Variants in SND1 observed in about 807,000 individuals in gnomAD.
SND1 encodes staphylococcal nuclease domain-containing protein 1.
SND1 carries 38 observed loss-of-function variants against 121.7 expected under a neutral mutation model. The observed-to-expected ratio is 0.31, with a 90% CI of 0.24 to 0.41. The LOEUF (loss-of-function observed/expected upper bound fraction) is 0.41. Among genes scored for constraint, SND1 ranks in the 10% least tolerant of loss-of-function variants. The pLI, the probability that SND1 is intolerant of heterozygous loss-of-function variation, is 1.00. For synonymous variants in SND1, 401 were observed against 447.4 expected, an observed-to-expected ratio of 0.90 and a Z score of 1.31; for missense variants, 868 against 1,184.6, an observed-to-expected ratio of 0.73 and a Z score of 3.92.
At chr7:127,792,766 G>A (rs1797934878) in intron 10 of SND1, among the ~76,000 whole-genome samples, 1 of 152,154 alleles carries the variant, frequency 6.6e-6, no homozygotes, top group South Asian at 2.1e-4. Context: ...AATCTGAGGA[G>A]GTGTGATAAC....
chr7:127,698,311 C>T (rs1174753368), intron 3 of SND1, among the ~76,000 whole-genome samples: 3 of 152,116 alleles, frequency 2.0e-5, no homozygotes, highest in Non-Finnish European at 2.9e-5. Context: ...TAAATGAATC[C>T]GTCTCTCTGA....
At chr7:128,054,483 C>T (rs1417923943) in intron 16 of SND1, among the ~76,000 whole-genome samples, 1 of 152,224 alleles carries the variant, frequency 6.6e-6, no homozygotes, top group African/African-American at 2.4e-5. Context: ...ACCAAGGTCC[C>T]CACCTCACAC....
chr7:127,663,700 C>T lies in SND1; in HGVS notation c.78+11249C>T, dbSNP rs1056741911. 5.9e-5 allele frequency among the ~76,000 whole-genome samples: 9 copies of T among 152,032 alleles called. No individual in the cohort carries two copies. In the South Asian group the frequency reaches 1.5e-3, roughly 25 times the overall value. ...CTTACTGTACTTCTTAATTGGTTGC[C>T]GGCCCCGCCAACCCCAGGTGTCTTA... On this transcript the variant is annotated intron_variant, in intron 1 of 23. Coordinates refer to ENST00000354725, the MANE Select transcript of SND1 (RefSeq NM_014390.4).
At chr7:127,937,739 C>T (rs758481096) in intron 15 of SND1, among the ~76,000 whole-genome samples, 3 of 152,220 alleles carry the variant, frequency 2.0e-5, no homozygotes, top group African/African-American at 7.2e-5. Flanking sequence ...AGACCAAAAA[C>T]TTCTAATGAG....
chr7:127,756,996 A>G (rs1339151143), intron 10 of SND1, among the ~76,000 whole-genome samples: 1 of 152,230 alleles, frequency 6.6e-6, no homozygotes, highest in Non-Finnish European at 1.5e-5. Flanking sequence ...AAATATATGT[A>G]CAATTAAATA....
chr7:128,029,515 T>G lies in SND1; in HGVS notation c.1779+38459T>G. On this transcript the variant is annotated intron_variant, in intron 16 of 23. Transcript: ENST00000354725. This position sits in a 1 kb window ranked among gnomAD's most constrained non-coding sequence, Gnocchi z 4.2. ...CACTTCACGGAGGACATAGGGGGAG[T>G]CCGACACTTAAGTTCTGCCATCCGA... 1 of 1,613,248 alleles carries G rather than the reference T, an allele frequency of 6.2e-7. No individual in the cohort carries two copies. Among genetic ancestry groups the G allele is most frequent in the Non-Finnish European group, 8.5e-7 (1 of 1,179,876 alleles).
chr7:127,948,678 A>T (rs561609862), intron 15 of SND1, among the ~76,000 whole-genome samples: 15 of 152,234 alleles, frequency 9.9e-5, no homozygotes, highest in Non-Finnish European at 1.8e-4. Context: ...TGGTGATAGC[A>T]CCAGAGAGAA....
chr7:128,059,850 C>T (rs554048611), intron 16 of SND1, among the ~76,000 whole-genome samples: 11 of 152,356 alleles, frequency 7.2e-5, no homozygotes, highest in African/African-American at 2.2e-4. Context: ...GAATCCAGCA[C>T]GTTCTCTTTA....
At chr7:127,786,659 T>A (rs1197857862) in intron 10 of SND1, among the ~76,000 whole-genome samples, 1 of 152,046 alleles carries the variant, frequency 6.6e-6, no homozygotes, top group Non-Finnish European at 1.5e-5. Flanking sequence ...TTGTTTGTTT[T>A]TTGAGACGGA....
chr7:127,878,722 A>C (rs1799735372), intron 12 of SND1, among the ~76,000 whole-genome samples: 1 of 152,100 alleles, frequency 6.6e-6, no homozygotes, highest in Non-Finnish European at 1.5e-5. Context: ...ATTGTTAATC[A>C]GTGTAAATGG....
At chr7:127,903,818 T>C (rs1361727162) in intron 13 of SND1, among the ~76,000 whole-genome samples, 1 of 152,196 alleles carries the variant, frequency 6.6e-6, no homozygotes, top group Non-Finnish European at 1.5e-5. Context: ...GGCCCTGGGC[T>C]GGGCAGCTTT....
chr7:127,852,479 G>A (rs1382410108), intron 12 of SND1, among the ~76,000 whole-genome samples: 3 of 140,978 alleles, frequency 2.1e-5, no homozygotes, highest in African/African-American at 8.0e-5. Flanking sequence ...GTGACAAAGT[G>A]AGACTCCCTC....
intron 16 of SND1, among the ~76,000 whole-genome samples, chr7:128,032,622 G>A (rs3735634): frequency 0.32 from 48,142 of 151,706 alleles, 8,132 homozygotes; most frequent in African/African-American, 0.41. Context: ...GCTGCATTTG[G>A]CCTGCCTCTC....
intron 15 of SND1, among the ~76,000 whole-genome samples, chr7:127,978,073 C>G (rs933481000): frequency 6.6e-6 from 1 of 152,102 alleles, no homozygotes; most frequent in Admixed American, 6.5e-5. Context: ...GATTACATGT[C>G]TGAGTTCTGC....
At chr7:127,684,356 G>A (rs1178823460) in intron 1 of SND1, among the ~76,000 whole-genome samples, 2 of 152,200 alleles carry the variant, frequency 1.3e-5, no homozygotes, top group Non-Finnish European at 2.9e-5. Flanking sequence ...AGAAACAGAT[G>A]TTCTGGTTTG....
rs369133020 is a variant in SND1, at chr7:127,721,349, G to A, written c.1101G>A (p.Thr367=). The change falls in exon 10 of 24, where the codon ACG becomes ACA. Residue 367 remains threonine, a synonymous_variant. Coordinates refer to ENST00000354725, the MANE Select transcript of SND1 (RefSeq NM_014390.4). ...VVKLNSGDYK[T]IHLSSIRPPR... ...AGCTGAACTCAGGCGATTACAAGAC[G>A]ATTCACCTGTCCAGCATCCGACCAC... The A allele has an allele frequency of 2.5e-6, 4 of 1,613,446 alleles. No homozygotes were observed. The highest frequency in any genetic ancestry group is 1.7e-5 in the Admixed American group (1 of 59,986).
chr7:127,820,998 T>G (rs1233335564), intron 11 of SND1, among the ~76,000 whole-genome samples: 1 of 152,224 alleles, frequency 6.6e-6, no homozygotes. Flanking sequence ...CCAGGTCTGC[T>G]TAAGTTTTTG....
chr7:127,812,583 T>A (rs941875685), intron 11 of SND1, among the ~76,000 whole-genome samples: 1 of 152,198 alleles, frequency 6.6e-6, no homozygotes, highest in Non-Finnish European at 1.5e-5. Context: ...TGCTTTTTTT[T>A]ATCTTGGCAC....
chr7:128,018,501 A>G (rs760309094), intron 16 of SND1, among the ~76,000 whole-genome samples: 1 of 152,134 alleles, frequency 6.6e-6, no homozygotes, highest in Non-Finnish European at 1.5e-5. Context: ...TGGCCCACAT[A>G]TTTGAAGAGG....
Sources: gnomAD v4.1 joint callset for allele counts (sites outside exome capture counted in the v4.1 genomes callset) on GRCh38, gnomAD v4.1.1 for gene constraint, Gnocchi (gnomAD v3.1) non-coding constraint, MANE v1.5 for transcripts, NCBI Gene and HGNC (gene_info 2026-07-23, HGNC 2026-07-21) for gene names.